Variants in ELF1 observed in about 807,000 individuals in gnomAD.
ELF1 encodes the protein ETS-related transcription factor Elf-1.
Under a neutral mutation model 59.9 loss-of-function variants are expected in ELF1, and 24 were observed. The observed-to-expected ratio is 0.40, with a 90% CI of 0.29 to 0.56. The LOEUF is 0.56. ELF1 is among the 20% of genes least tolerant of loss of function. ELF1 has a pLI of 0.44. For missense variants in ELF1, 627 were observed against 742.2 expected (o/e 0.84, Z 1.80); for synonymous variants, 248 against 266.2 (o/e 0.93, Z 0.67).
intron 8 of ELF1, among the ~76,000 whole-genome samples, chr13:40,934,666 C>T (rs796874322): frequency 5.3e-5 from 8 of 152,094 alleles, no homozygotes; most frequent in East Asian, 3.9e-4. Context: ...GTGATCCACC[C>T]GCCTCGGCCT....
At chr13:40,962,936 C>T (rs941901950) in intron 2 of ELF1, among the ~76,000 whole-genome samples, 1 of 152,120 alleles carries the variant, frequency 6.6e-6, no homozygotes, top group Non-Finnish European at 1.5e-5. Context: ...TAACATTTCA[C>T]GAGAAGAGAT....
At chr13:40,989,835 G>A (rs752973509) in intron 1 of ELF1, among the ~76,000 whole-genome samples, 46 of 152,118 alleles carry the variant, frequency 3.0e-4, no homozygotes, top group South Asian at 1.0e-3. Context: ...ATTCTAGGAA[G>A]GGGGAATTTA....
rs1413393425 is a variant in ELF1 at position 40,933,594 on chromosome 13, G to A, written c.1691C>T (p.Thr564Ile). The change falls in exon 9 of 9, where the codon ACT (threonine) becomes ATT (isoleucine). Residue 564 changes from threonine (T) to isoleucine (I), a missense_variant. By Grantham distance (89) the Thr-to-Ile change is moderately conservative. Around this residue, in one of 3 missense-constraint regions of ELF1, gnomAD observed 361 missense variants for 396.1 expected, o/e 0.91. Transcript: ENST00000239882. ...CTTTTTCTCTACTTCCTGTGTAAGA[G>A]TTTTTGTTTCTTGAGTTTTGATAAC... ...TSVIKTQETK[T>I]LTQEVEKKES... The A allele has an allele frequency of 1.9e-6, 3 of 1,614,218 alleles. No homozygotes were observed. The highest frequency in any genetic ancestry group is 1.1e-5 in the South Asian group (1 of 91,080).
intron 1 of ELF1, among the ~76,000 whole-genome samples, chr13:40,986,580 T>C (rs950129663): frequency 1.3e-5 from 2 of 152,206 alleles, no homozygotes; most frequent in African/African-American, 4.8e-5. Flanking sequence ...TCAACAAAAC[T>C]GTAATTCTAT....
intron 1 of ELF1, among the ~76,000 whole-genome samples, chr13:40,988,635 CTAT>C (rs765548422): frequency 5.9e-5 from 9 of 152,102 alleles, no homozygotes; most frequent in Non-Finnish European, 1.0e-4. Context: ...TAGAGTTTTA[CTAT>C]TATTATCTCC....
At chr13:41,061,333 G>A (rs12858465) in exon 1 of ELF1, 9,555 of 431,556 alleles carry the variant, frequency 0.022, 164 homozygotes, top group Non-Finnish European at 0.03. Context: ...GGATGGCGCA[G>A]GGACTTGAGG....
In ELF1 at chr13:40,943,937, A is replaced by G; in HGVS notation, c.530-12T>C. 1 of 1,611,996 alleles carries G rather than the reference A, an allele frequency of 6.2e-7. No individual in the cohort carries two copies. Among genetic ancestry groups the G allele is most frequent in the Non-Finnish European group, 8.5e-7 (1 of 1,178,738 alleles). On this transcript the variant is annotated splice_polypyrimidine_tract_variant and intron_variant, in intron 5 of 8. Transcript: ENST00000239882. Reference sequence around the variant, plus strand: ...TTTAGTTTTTCTTCCTGAAATAAAAACAGCTCTGCATAAATATTTGCCTTC... The same window carrying G: ...TTTAGTTTTTCTTCCTGAAATAAAAGCAGCTCTGCATAAATATTTGCCTTC...
chr13:40,941,688 T>G (rs1053839481), intron 7 of ELF1, among the ~76,000 whole-genome samples: 1 of 152,180 alleles, frequency 6.6e-6, no homozygotes, highest in Non-Finnish European at 1.5e-5. Flanking sequence ...GACAGAGTCT[T>G]GCTCTGTTGC....
intron 3 of ELF1, among the ~76,000 whole-genome samples, chr13:40,952,937 C>T (rs910696001): frequency 2.0e-5 from 3 of 151,628 alleles, no homozygotes; most frequent in African/African-American, 4.8e-5. Context: ...AGATGTCTAA[C>T]ACAATACTAC....
At position 40,947,305 on chromosome 13, in the gene ELF1, G is replaced by A. The variant is rs1045583096; in HGVS notation, c.529+2501C>T. Among the ~76,000 whole-genome samples, 5 of 152,184 alleles carry A rather than the reference G, an allele frequency of 3.3e-5. No individual in the cohort carries two copies. In the South Asian group the frequency reaches 8.3e-4, roughly 25 times the overall value. On this transcript the variant is annotated intron_variant, in intron 5 of 8. Coordinates refer to ENST00000239882, the MANE Select transcript of ELF1 (RefSeq NM_172373.4). Reference sequence around the variant, plus strand: ...ATCCATGTAATCCCAGCACTTGGGAGGTCGAGGCGGTGGACCACTTGAGGT... The same window carrying A: ...ATCCATGTAATCCCAGCACTTGGGAAGTCGAGGCGGTGGACCACTTGAGGT...
At chr13:40,982,512 C>T (rs1416220654) in intron 1 of ELF1, among the ~76,000 whole-genome samples, 1 of 151,250 alleles carries the variant, frequency 6.6e-6, no homozygotes, top group South Asian at 2.1e-4. Context: ...CTCTCTCCCC[C>T]ACTCTCCAGT....
intron 1 of ELF1, among the ~76,000 whole-genome samples, chr13:41,036,534 A>G (rs1354988170): frequency 6.6e-6 from 1 of 152,200 alleles, no homozygotes; most frequent in Non-Finnish European, 1.5e-5. Flanking sequence ...ACCATTGTGG[A>G]AGACAGTGTG....
intron 1 of ELF1, among the ~76,000 whole-genome samples, chr13:41,060,133 G>C (rs989886253): frequency 6.6e-6 from 1 of 152,206 alleles, no homozygotes; most frequent in East Asian, 1.9e-4. Context: ...CGCGGGTGGA[G>C]ACGCGAGCGC....
chr13:41,051,096 T>C (rs1246545005), intron 1 of ELF1, among the ~76,000 whole-genome samples: 1 of 152,070 alleles, frequency 6.6e-6, no homozygotes, highest in African/African-American at 2.4e-5. Context: ...CATCTAAAAA[T>C]ATGTTTCATA....
chr13:40,951,691 C>T, intron 3 of ELF1: 1 of 244,600 alleles, frequency 4.1e-6, no homozygotes. Context: ...CATGGAGAAA[C>T]CCTGTTTCTA....
intron 1 of ELF1, among the ~76,000 whole-genome samples, chr13:41,042,457 A>C (rs1188992888): frequency 4.8e-5 from 7 of 146,266 alleles, no homozygotes; most frequent in African/African-American, 1.0e-4. Flanking sequence ...ATCCCTCCCC[A>C]CTCCCCCGAC....
rs932685150 is a variant in ELF1, at chr13:40,943,016, T to C, written c.742A>G (p.Arg248Gly). ...TTGTTTTTGTGCTTCCCCCACAACC[T>C]GGACACTGCTTTAGAATCCACCAAT... is the stretch of plus-strand genomic sequence containing the variant. ...FKLVDSKAVS[R>G]LWGKHKNKPD... The change falls in exon 7 of 9, where the codon AGG becomes GGG. Residue 248 changes from arginine to glycine, a missense_variant. Coordinates refer to ENST00000239882, the MANE Select transcript of ELF1 (RefSeq NM_172373.4). 1 of 1,612,330 alleles carries C rather than the reference T, an allele frequency of 6.2e-7. No individual in the cohort carries two copies. The highest frequency in any genetic ancestry group is 8.5e-7 in the Non-Finnish European group (1 of 1,178,902).
At chr13:40,951,881 G>T (rs1271513666) in intron 3 of ELF1, among the ~76,000 whole-genome samples, 1 of 150,630 alleles carries the variant, frequency 6.6e-6, no homozygotes, top group Non-Finnish European at 1.5e-5. Flanking sequence ...AAAAAAAACA[G>T]AAACTATTAC....
chr13:41,051,645 T>C (rs1478962329), intron 1 of ELF1, among the ~76,000 whole-genome samples: 3 of 152,146 alleles, frequency 2.0e-5, no homozygotes, highest in East Asian at 3.9e-4. Flanking sequence ...CTCTGGACTC[T>C]AAATTCAAAA....
Sources: gnomAD v4.1 joint callset for allele counts (sites outside exome capture counted in the v4.1 genomes callset) on GRCh38, gnomAD v4.1.1 for gene constraint, gnomAD v4.1.1 regional missense constraint, MANE v1.5 for transcripts, NCBI Gene and HGNC (gene_info 2026-07-23, HGNC 2026-07-21) for gene names.